The following PDE1C variants were observed in gnomAD, a reference collection of about 807,000 sequenced individuals.
The protein encoded by PDE1C is dual specificity calcium/calmodulin-dependent 3',5'-cyclic nucleotide phosphodiesterase 1C.
Under a neutral mutation model 93.1 loss-of-function variants are expected in PDE1C, and 62 were observed. That is an observed-to-expected ratio of 0.67 (90% confidence interval 0.54 to 0.82). The LOEUF is 0.82. Ranked by LOEUF, PDE1C falls within the 40% of genes least tolerant of loss-of-function variation. PDE1C has a pLI of 0.00. For synonymous variants in PDE1C, 325 were observed against 310.1 expected (o/e 1.05, Z -0.50); for missense variants, 742 against 884.6 (o/e 0.84, Z 2.04).
intron 2 of PDE1C, among the ~76,000 whole-genome samples, chr7:31,959,415 T>G (rs981052332): frequency 2.0e-5 from 3 of 152,172 alleles, no homozygotes; most frequent in Non-Finnish European, 4.4e-5. Flanking sequence ...GGCTTCACTA[T>G]GATGGCCAGG....
At chr7:32,242,619 C>T (rs912592056) in intron 1 of PDE1C, among the ~76,000 whole-genome samples, 2 of 152,030 alleles carry the variant, frequency 1.3e-5, no homozygotes, top group African/African-American at 4.8e-5. Context: ...ATATAGGTAA[C>T]CATAACAAAG....
chr7:31,984,828 G>A (rs1164414149), intron 2 of PDE1C, among the ~76,000 whole-genome samples: 3 of 152,134 alleles, frequency 2.0e-5, no homozygotes, highest in African/African-American at 7.2e-5. Context: ...ATCTTGCCAT[G>A]TGGAACCATA....
intron 2 of PDE1C, among the ~76,000 whole-genome samples, chr7:32,015,084 GCCTTCCTGCCTTGCCCT>G (rs1474615799): frequency 6.6e-6 from 1 of 151,872 alleles, no homozygotes; most frequent in African/African-American, 2.4e-5. Flanking sequence ...CTGCTGCCCT[GCCTTCCTGCCTTGCCCT>G]CCTTCCTGCC....
In PDE1C at chr7:31,784,784, T is replaced by C. The variant is rs961330977; in HGVS notation, c.1892-9052A>G. On this transcript the variant is annotated intron_variant, in intron 16 of 17. Coordinates refer to ENST00000396191, the MANE Select transcript of PDE1C (RefSeq NM_001191057.4). ...AAATTTTATAGCATATAAAATTGTA[T>C]AAAAATATCATCAAAGCAAGAAAAA... 7 of 152,268 alleles carry C rather than the reference T, an allele frequency of 4.6e-5. No individual in the cohort carries two copies. The South Asian group carries it at 6.2e-4, about 14-fold the overall frequency. The allele number at this position is 152,268 out of a possible 1,614,324, so 9.4% of individuals were successfully genotyped here. A position where few individuals can be genotyped will look rare whatever the true frequency, so the allele number is the denominator to read the frequency against.
At chr7:31,858,265 G>C (rs2128819075) in intron 7 of PDE1C, among the ~76,000 whole-genome samples, 1 of 152,228 alleles carries the variant, frequency 6.6e-6, no homozygotes, top group East Asian at 1.9e-4. Flanking sequence ...GAGTCATTTT[G>C]GCCAGTGAGT....
chr7:31,877,296 T>C (rs943752575), intron 5 of PDE1C, among the ~76,000 whole-genome samples: 7 of 152,174 alleles, frequency 4.6e-5, no homozygotes, highest in Admixed American at 1.3e-4. Flanking sequence ...AGATATTCTA[T>C]ACAATTCCAA....
chr7:31,697,105 C>A, the PDE1C span: 32 of 1,613,770 alleles, frequency 2.0e-5, no homozygotes, highest in Non-Finnish European at 2.5e-5. Context: ...GCACATGTCC[C>A]CCTTTGCAGC....
chr7:31,827,537 AT>A (rs994687106), intron 12 of PDE1C, among the ~76,000 whole-genome samples: 1 of 152,130 alleles, frequency 6.6e-6, no homozygotes, highest in Non-Finnish European at 1.5e-5. Context: ...CTTTGTTCCT[AT>A]AACATCTATT....
chr7:31,795,276 TAG>T lies in PDE1C; in HGVS notation c.1891+13753_1891+13754del, dbSNP rs558393076. On this transcript the variant is annotated intron_variant, in intron 16 of 17. Coordinates refer to ENST00000396191, the MANE Select transcript of PDE1C (RefSeq NM_001191057.4). The stretch of plus-strand genomic sequence containing the variant: ...TTTAAATATTTAAATATAATGTTAA[TAG>T]AGTTTCTTTTGGCAAATATATTGTT... 5.4e-3 allele frequency among the ~76,000 whole-genome samples: 816 copies of T among 152,090 alleles called. 8 individuals carry two copies. Among genetic ancestry groups the T allele is most frequent in the African/African-American group, 0.019 (773 of 41,556 alleles).
At chr7:32,010,771 TC>T (rs1786974313) in intron 2 of PDE1C, among the ~76,000 whole-genome samples, 1 of 152,210 alleles carries the variant, frequency 6.6e-6, no homozygotes, top group Non-Finnish European at 1.5e-5. Flanking sequence ...GGCTCTCTTT[TC>T]CCTGGGTCTT....
At chr7:31,942,010 A>T (rs1295711700) in intron 2 of PDE1C, among the ~76,000 whole-genome samples, 1 of 152,220 alleles carries the variant, frequency 6.6e-6, no homozygotes, top group Non-Finnish European at 1.5e-5. Context: ...TAACAACACC[A>T]TAAATGAGAT....
the PDE1C span, among the ~76,000 whole-genome samples, chr7:31,674,894 C>A: frequency 6.6e-6 from 1 of 152,122 alleles, no homozygotes; most frequent in African/African-American, 2.4e-5. Flanking sequence ...GATCAAAAAT[C>A]TCAAAACTCA....
chr7:31,741,905 ACTT>A, the PDE1C span, among the ~76,000 whole-genome samples: 1 of 152,182 alleles, frequency 6.6e-6, no homozygotes, highest in Non-Finnish European at 1.5e-5. Flanking sequence ...AGAGTTAACA[ACTT>A]CTGTTTTCAC....
chr7:31,766,261 G>C (rs2128616531), intron 17 of PDE1C, among the ~76,000 whole-genome samples: 1 of 152,100 alleles, frequency 6.6e-6, no homozygotes, highest in South Asian at 2.1e-4. Context: ...GCGGGCGACT[G>C]TAGTCCCAGC....
intron 9 of PDE1C, among the ~76,000 whole-genome samples, chr7:31,839,301 T>TA (rs1791538478): frequency 6.6e-6 from 1 of 150,800 alleles, no homozygotes; most frequent in Non-Finnish European, 1.5e-5. Context: ...ATTGAAAATA[T>TA]ACACACATAT....
At chr7:31,943,877 T>G (rs1806194820) in intron 2 of PDE1C, among the ~76,000 whole-genome samples, 1 of 152,136 alleles carries the variant, frequency 6.6e-6, no homozygotes, top group African/African-American at 2.4e-5. Flanking sequence ...AAAATATAAT[T>G]TCTTAAACAT....
At position 32,169,810 on chromosome 7, in the gene PDE1C, C is replaced by A. The variant is rs1428705886; in HGVS notation, c.283G>T (p.Glu95Ter). 6.2e-7 allele frequency: 1 copy of A among 1,612,660 alleles called. No individual in the cohort carries two copies. Among genetic ancestry groups the A allele is most frequent in the Non-Finnish European group, 8.5e-7 (1 of 1,179,704 alleles). ...CTGAAGGATGTCTTCACCAAGACTTCTGGGCTATCCAGCTGTGGCAATTCA... is the reference window on the plus strand; with the variant it reads ...CTGAAGGATGTCTTCACCAAGACTTATGGGCTATCCAGCTGTGGCAATTCA... Residue 95 changes from glutamate (E) to a stop codon, truncating the protein, a stop_gained, in exon 3 of 19, where the codon GAA becomes TAA. Transcript: ENST00000396193. LOFTEE classifies it high-confidence loss of function.
chr7:32,308,740 C>T (rs1813088036), intron 1 of PDE1C, among the ~76,000 whole-genome samples: 1 of 152,160 alleles, frequency 6.6e-6, no homozygotes, highest in African/African-American at 2.4e-5. Context: ...ACATCAAAAA[C>T]CCTTCTGTAC....
intron 1 of PDE1C, among the ~76,000 whole-genome samples, chr7:32,410,373 G>A (rs1785143063): frequency 7.0e-6 from 1 of 142,280 alleles, no homozygotes; most frequent in Non-Finnish European, 1.5e-5. Flanking sequence ...GGGCGGGTAG[G>A]AAGAGAAGGA....
Sources: gnomAD v4.1 joint callset for allele counts (sites outside exome capture counted in the v4.1 genomes callset) on GRCh38, gnomAD v4.1.1 for gene constraint, MANE v1.5 for transcripts, NCBI Gene and HGNC (gene_info 2026-07-23, HGNC 2026-07-21) for gene names.